The following NECAB1 variants were observed in gnomAD, a reference collection of about 807,000 sequenced individuals.
NECAB1 encodes N-terminal EF-hand calcium-binding protein 1.
NECAB1 carries 29 observed loss-of-function variants against 57.5 expected under a neutral mutation model. The observed-to-expected ratio is 0.50, with a 90% CI of 0.38 to 0.69. The LOEUF is 0.69. NECAB1 is among the 30% of genes least tolerant of loss of function. The probability of loss-of-function intolerance (pLI) is 0.00; values close to 1 mark genes in which losing one functional copy is unlikely to be tolerated. For synonymous variants in NECAB1, 142 were observed against 147.7 expected, an observed-to-expected ratio of 0.96 and a Z score of 0.28; for missense variants, 372 against 413.8, an observed-to-expected ratio of 0.90 and a Z score of 0.88.
intron 5 of NECAB1, among the ~76,000 whole-genome samples, chr8:90,885,314 C>G (rs1340822140): frequency 2.6e-5 from 4 of 152,124 alleles, no homozygotes; most frequent in Non-Finnish European, 4.4e-5. Flanking sequence ...TGGCACCTAC[C>G]TGGCAATCAT....
intron 10 of NECAB1, among the ~76,000 whole-genome samples, chr8:90,946,802 C>T (rs1810813631): frequency 1.3e-5 from 2 of 152,198 alleles, no homozygotes; most frequent in South Asian, 2.1e-4. Context: ...ATTCAAGTCA[C>T]ATGGTCATTG....
chr8:90,838,201 T>C (rs1812401339), intron 3 of NECAB1, among the ~76,000 whole-genome samples: 1 of 152,198 alleles, frequency 6.6e-6, no homozygotes, highest in Admixed American at 6.5e-5. Context: ...CTTTACATCA[T>C]TGATAGGTTC....
chr8:90,899,803 G>C (rs1809455458), intron 5 of NECAB1, among the ~76,000 whole-genome samples: 3 of 152,114 alleles, frequency 2.0e-5, no homozygotes, highest in Admixed American at 2.0e-4. Flanking sequence ...GTGGGTGCTT[G>C]TTTCTTATAC....
chr8:90,916,698 G>A (rs764721961), intron 5 of NECAB1, among the ~76,000 whole-genome samples: 3 of 152,126 alleles, frequency 2.0e-5, no homozygotes, highest in Non-Finnish European at 4.4e-5. Flanking sequence ...GGTTTTTGTT[G>A]TTGGTTCTCC....
intron 3 of NECAB1, among the ~76,000 whole-genome samples, chr8:90,836,151 C>T (rs1056248398): frequency 1.1e-4 from 17 of 152,108 alleles, no homozygotes; most frequent in Non-Finnish European, 1.3e-4. Flanking sequence ...ACACAAAATA[C>T]GTTCAAATGA....
chr8:90,824,108 A>G (rs1812188080), intron 2 of NECAB1, among the ~76,000 whole-genome samples: 1 of 151,876 alleles, frequency 6.6e-6, no homozygotes, highest in Non-Finnish European at 1.5e-5. Flanking sequence ...TTTACTGTAT[A>G]AAATACTTAT....
intron 10 of NECAB1, among the ~76,000 whole-genome samples, chr8:90,942,989 A>G (rs1441139115): frequency 6.6e-6 from 1 of 152,224 alleles, no homozygotes; most frequent in East Asian, 1.9e-4. Context: ...AGAGAAGATA[A>G]AGTCTATTTC....
intron 5 of NECAB1, among the ~76,000 whole-genome samples, chr8:90,915,397 A>C (rs1321878688): frequency 6.6e-6 from 1 of 152,152 alleles, no homozygotes; most frequent in Non-Finnish European, 1.5e-5. Context: ...GCAAGCTATG[A>C]GATCAAATTA....
intron 1 of NECAB1, among the ~76,000 whole-genome samples, chr8:90,798,452 C>T (rs1811700887): frequency 1.3e-5 from 2 of 152,122 alleles, no homozygotes; most frequent in South Asian, 2.1e-4. Context: ...CCCCAACCTC[C>T]CTCTTCCCTC....
chr8:90,839,727 G>A (rs985496842), intron 3 of NECAB1, among the ~76,000 whole-genome samples: 4 of 152,180 alleles, frequency 2.6e-5, no homozygotes, highest in Non-Finnish European at 4.4e-5. Flanking sequence ...TTCAGCATGC[G>A]CAGAGCACTG....
At chr8:90,817,483 G>A (rs1812078323) in intron 2 of NECAB1, among the ~76,000 whole-genome samples, 1 of 150,854 alleles carries the variant, frequency 6.6e-6, no homozygotes, top group Non-Finnish European at 1.5e-5. Flanking sequence ...TTATCAAGTT[G>A]GAGAAGTTTT....
intron 3 of NECAB1, among the ~76,000 whole-genome samples, chr8:90,835,643 C>T (rs1330854310): frequency 1.3e-5 from 2 of 152,034 alleles, no homozygotes; most frequent in African/African-American, 2.4e-5. Flanking sequence ...TTATAGTTTG[C>T]ACCTTCAAGA....
At chr8:90,849,791 T>TC (rs1812648645) in intron 3 of NECAB1, among the ~76,000 whole-genome samples, 1 of 148,176 alleles carries the variant, frequency 6.7e-6, no homozygotes, top group African/African-American at 2.5e-5. Context: ...CCTTCCAGGT[T>TC]CACGCCATTC....
chr8:90,841,638 T>C (rs951511851), intron 3 of NECAB1, among the ~76,000 whole-genome samples: 2 of 152,184 alleles, frequency 1.3e-5, no homozygotes, highest in African/African-American at 4.8e-5. Flanking sequence ...TCTCTCCTCC[T>C]TAGGGTTTAC....
In NECAB1 at chr8:90,940,775, T is replaced by A. The variant is rs751171131; in HGVS notation, c.748-11T>A. On this transcript the variant is annotated splice_polypyrimidine_tract_variant and intron_variant, in intron 9 of 12. Transcript: ENST00000417640. ...CAGCCAACGCAGTGACCCTCGCCCC[T>A]TCCTTGGCAGCACATCATGCTTGTG... is the stretch of plus-strand genomic sequence containing the variant. 7.7e-6 allele frequency: 12 copies of A among 1,554,208 alleles called. No homozygotes were observed. In the South Asian group the frequency reaches 1.4e-4, roughly 18 times the overall value.
Position 90,934,342 on chromosome 8 carries a change from A to C in NECAB1, c.732A>C (p.Glu244Asp), listed in dbSNP as rs1226023119. 6.6e-7 allele frequency: 1 copy of C among 1,511,464 alleles called. No homozygotes were observed. The highest frequency in any genetic ancestry group is 8.9e-7 in the Non-Finnish European group (1 of 1,127,008). The allele number at this position is 1,511,464 out of a possible 1,614,324, so 93.6% of individuals were successfully genotyped here. The change falls in exon 9 of 13, where the codon GAA becomes GAC. Residue 244 changes from glutamate to aspartate, a missense_variant. Glu to Asp is a conservative substitution (Grantham distance 45, BLOSUM62 2). Coordinates refer to ENST00000417640, the MANE Select transcript of NECAB1 (RefSeq NM_022351.5). Reference sequence around the variant, plus strand: ...AACCACCAGAAGAAGAAATTATTGAAGGGAATACTAAATCTGTAAGTATTT... The same window carrying C: ...AACCACCAGAAGAAGAAATTATTGACGGGAATACTAAATCTGTAAGTATTT... ...KLEPPEEEII[E>D]GNTKSHIMLV...
At chr8:90,917,985 T>TACACACAC (rs1450265904) in intron 6 of NECAB1, among the ~76,000 whole-genome samples, 1 of 136,852 alleles carries the variant, frequency 7.3e-6, no homozygotes, top group African/African-American at 2.8e-5. Context: ...TGTATATATA[T>TACACACAC]ACATATATGT....
rs1345338901 is a variant in NECAB1 at position 90,957,593 on chromosome 8, A to C, written c.*2081A>C. The C allele has an allele frequency of 6.6e-6, 1 of 150,886 alleles. No homozygotes were observed. The highest frequency in any genetic ancestry group is 1.5e-5 in the Non-Finnish European group (1 of 67,528). The allele number at this position is 150,886 out of a possible 1,614,324, so 9.3% of individuals were successfully genotyped here. ...TTTTGTGTATGTTTGTGAGAGTTGT[A>C]TGTATGTGAATGTGTGTGAGTGTGT... is the stretch of plus-strand genomic sequence containing the variant. On this transcript the variant is annotated 3_prime_UTR_variant, in exon 13 of 13. Coordinates refer to ENST00000417640, the MANE Select transcript of NECAB1 (RefSeq NM_022351.5).
chr8:90,857,495 T>C (rs1341439711), intron 3 of NECAB1, among the ~76,000 whole-genome samples: 2 of 152,160 alleles, frequency 1.3e-5, no homozygotes, highest in Non-Finnish European at 2.9e-5. Flanking sequence ...GTGGCTAACC[T>C]CTCAAAAATT....
Sources: allele counts gnomAD v4.1 joint callset (sites outside exome capture counted in the v4.1 genomes callset), GRCh38; gene constraint gnomAD v4.1.1; transcripts MANE v1.5; gene names NCBI Gene and HGNC (gene_info 2026-07-23, HGNC 2026-07-21).